The following INPP4B variants were observed in gnomAD, a reference collection of about 807,000 sequenced individuals.
INPP4B encodes the protein inositol polyphosphate-4-phosphatase type II B.
A neutral mutation model predicts 122.5 loss-of-function variants in INPP4B; 55 were observed. The ratio of observed to expected loss-of-function variants is 0.45; its 90% CI spans 0.36 to 0.56. The LOEUF (loss-of-function observed/expected upper bound fraction) is 0.56. Ranked by LOEUF, INPP4B falls within the 20% of genes least tolerant of loss-of-function variation. The probability of loss-of-function intolerance (pLI) is 0.00; values close to 1 mark genes in which losing one functional copy is unlikely to be tolerated. For synonymous variants in INPP4B, 403 were observed against 388.7 expected (o/e 1.04, Z -0.43); for missense variants, 1,000 against 1,097.7 (o/e 0.91, Z 1.26).
intron 5 of INPP4B, among the ~76,000 whole-genome samples, chr4:142,413,383 C>T (rs1292822419): frequency 6.6e-6 from 1 of 152,078 alleles, no homozygotes; most frequent in African/African-American, 2.4e-5. Flanking sequence ...TCAGCTCATA[C>T]ATACACATAA....
intron 3 of INPP4B, among the ~76,000 whole-genome samples, chr4:142,449,267 T>C (rs576970533): frequency 1.3e-5 from 2 of 152,292 alleles, no homozygotes; most frequent in Admixed American, 6.5e-5. Flanking sequence ...AGAAGACCCA[T>C]GGATCTAGCA....
chr4:142,832,388 T>C (rs1782257137), intron 1 of INPP4B, among the ~76,000 whole-genome samples: 1 of 152,204 alleles, frequency 6.6e-6, no homozygotes, highest in Non-Finnish European at 1.5e-5. Context: ...CATCATAGGA[T>C]CTTCAGACAG....
intron 9 of INPP4B, among the ~76,000 whole-genome samples, chr4:142,281,370 T>G (rs1234582728): frequency 6.6e-6 from 1 of 151,532 alleles, no homozygotes; most frequent in African/African-American, 2.4e-5. Context: ...AACAAAAACT[T>G]TTTACATGAA....
intron 12 of INPP4B, among the ~76,000 whole-genome samples, chr4:142,229,615 C>A (rs1853262686): frequency 6.6e-6 from 1 of 152,124 alleles, no homozygotes; most frequent in Admixed American, 6.6e-5. Flanking sequence ...CAGGACCAAG[C>A]AACTCTCAAG....
In INPP4B at chr4:142,294,500, C is replaced by T. The variant is rs529473357; in HGVS notation, c.503+10958G>A. 9.2e-5 allele frequency among the ~76,000 whole-genome samples: 14 copies of T among 151,994 alleles called. No individual in the cohort carries two copies. The South Asian group carries it at 2.9e-3, about 32-fold the overall frequency. On this transcript the variant is annotated intron_variant, in intron 9 of 25. Transcript: ENST00000262992. ...GAATACCAGGTGGATAAGATATCTT[C>T]CTTGGACAAGGGATATAAAAAAATG...
chr4:142,599,200 C>A (rs1410662386), intron 2 of INPP4B, among the ~76,000 whole-genome samples: 1 of 152,120 alleles, frequency 6.6e-6, no homozygotes. Context: ...GCCACCCAAC[C>A]CACTGCTGCC....
At chr4:142,645,533 T>C (rs1295275047) in intron 2 of INPP4B, among the ~76,000 whole-genome samples, 1 of 152,210 alleles carries the variant, frequency 6.6e-6, no homozygotes, top group Non-Finnish European at 1.5e-5. Context: ...GAATGTGATG[T>C]TTGCAACTTC....
intron 2 of INPP4B, among the ~76,000 whole-genome samples, chr4:142,572,965 T>A (rs143884780): frequency 1.3e-3 from 196 of 152,066 alleles, no homozygotes; most frequent in African/African-American, 4.3e-3. Context: ...TGTATTACAA[T>A]AGTTCTTTAT....
chr4:142,489,032 C>T (rs536048687), intron 2 of INPP4B, among the ~76,000 whole-genome samples: 1 of 152,170 alleles, frequency 6.6e-6, no homozygotes, highest in African/African-American at 2.4e-5. Flanking sequence ...AGCTTCTCCC[C>T]ACAAATTTTA....
intron 15 of INPP4B, among the ~76,000 whole-genome samples, chr4:142,186,720 C>T (rs1322277652): frequency 6.6e-6 from 1 of 152,094 alleles, no homozygotes; most frequent in Non-Finnish European, 1.5e-5. Context: ...TTTTTGTATA[C>T]AGCTACAATG....
chr4:142,480,327 G>T (rs1352161184), intron 2 of INPP4B, among the ~76,000 whole-genome samples: 19 of 152,154 alleles, frequency 1.2e-4, no homozygotes, highest in Admixed American at 1.2e-3. Context: ...AGGCAGGAGG[G>T]TGGGGAGGAT....
intron 12 of INPP4B, among the ~76,000 whole-genome samples, chr4:142,236,612 T>C (rs1856794619): frequency 1.3e-5 from 2 of 152,288 alleles, no homozygotes; most frequent in East Asian, 3.9e-4. Flanking sequence ...TTTATTTCCC[T>C]AGATGCAGAT....
At chr4:142,709,794 G>A (rs1031015580) in intron 2 of INPP4B, among the ~76,000 whole-genome samples, 1 of 152,182 alleles carries the variant, frequency 6.6e-6, no homozygotes, top group African/African-American at 2.4e-5. Context: ...CTTTGTCTCA[G>A]AGGGGAAATT....
chr4:142,422,616 G>A (rs1580011425), intron 5 of INPP4B, among the ~76,000 whole-genome samples: 1 of 151,942 alleles, frequency 6.6e-6, no homozygotes, highest in African/African-American at 2.4e-5. Context: ...ACCAACCTGG[G>A]CAACATAGTG....
intron 2 of INPP4B, among the ~76,000 whole-genome samples, chr4:142,580,217 C>A (rs373267103): frequency 1.3e-5 from 2 of 151,706 alleles, no homozygotes; most frequent in Admixed American, 1.3e-4. Context: ...GGGTTCAAAT[C>A]CCATCTTTGC....
chr4:142,830,850 CAAAAAA>C (rs70949194), intron 1 of INPP4B, among the ~76,000 whole-genome samples: 17 of 91,442 alleles, frequency 1.9e-4, no homozygotes, highest in Non-Finnish European at 2.5e-4. Context: ...GCTGTCTCTA[CAAAAAA>C]AAAAAAAAAA....
chr4:142,318,118 A>C (rs1489745712), intron 7 of INPP4B, among the ~76,000 whole-genome samples: 1 of 152,198 alleles, frequency 6.6e-6, no homozygotes, highest in Non-Finnish European at 1.5e-5. Context: ...GTTATTTAAC[A>C]TGGGGACAAT....
intron 1 of INPP4B, among the ~76,000 whole-genome samples, chr4:142,742,989 T>C (rs1768124999): frequency 6.6e-6 from 1 of 151,924 alleles, no homozygotes; most frequent in African/African-American, 2.4e-5. Context: ...TAAAATAGAA[T>C]TCAAGTGTAT....
intron 2 of INPP4B, among the ~76,000 whole-genome samples, chr4:142,588,577 ATTT>A (rs1415856569): frequency 6.7e-6 from 1 of 149,596 alleles, no homozygotes; most frequent in African/African-American, 2.4e-5. Flanking sequence ...AAATTTTATA[ATTT>A]TTAAGTTATA....
Sources: gnomAD v4.1 joint callset for allele counts (sites outside exome capture counted in the v4.1 genomes callset) on GRCh38, gnomAD v4.1.1 for gene constraint, MANE v1.5 for transcripts, NCBI Gene and HGNC (gene_info 2026-07-23, HGNC 2026-07-21) for gene names.